Variants in BCKDHB observed in about 807,000 individuals in gnomAD.
BCKDHB encodes 2-oxoisovalerate dehydrogenase subunit beta, mitochondrial.
BCKDHB carries 41 observed loss-of-function variants against 48.5 expected under a neutral mutation model. The ratio of observed to expected loss-of-function variants is 0.85; its 90% CI spans 0.66 to 1.10. The LOEUF (loss-of-function observed/expected upper bound fraction) is 1.10, where lower values mean the gene tolerates loss of function less well. Ranked by LOEUF, BCKDHB falls within the 50% of genes least tolerant of loss-of-function variation. BCKDHB has a pLI of 0.00. For missense variants in BCKDHB, 496 were observed against 494.2 expected (o/e 1.00, Z -0.03); for synonymous variants, 201 against 174.8 (o/e 1.15, Z -1.18).
chr6:80,176,840 C>T (rs74558751), intron 6 of BCKDHB, among the ~76,000 whole-genome samples: 2,179 of 152,088 alleles, frequency 0.014, 49 homozygotes, highest in African/African-American at 0.049. Flanking sequence ...GATAAAGCTC[C>T]GAGTAAAAGA....
rs539687841 is a variant in BCKDHB at position 80,212,456 on chromosome 6, G to A, written c.951+9244G>A. On this transcript the variant is annotated intron_variant, in intron 8 of 9. Transcript: ENST00000320393. ...AATGTGGCTCTTTTTGCCCGACCCC[G>A]CAGGTGGTCAGACCTTATGGTTGTC... 6.0e-4 allele frequency among the ~76,000 whole-genome samples: 92 copies of A among 152,186 alleles called. 1 individual carries two copies. The highest frequency in any genetic ancestry group is 2.1e-3 in the African/African-American group (89 of 41,520).
At chr6:80,185,678 TC>T (rs1773610157) in intron 6 of BCKDHB, among the ~76,000 whole-genome samples, 1 of 152,120 alleles carries the variant, frequency 6.6e-6, no homozygotes, top group African/African-American at 2.4e-5. Flanking sequence ...GGACTGCAGT[TC>T]TTGTTATTGT....
the BCKDHB span, among the ~76,000 whole-genome samples, chr6:80,388,951 C>T: frequency 6.6e-6 from 1 of 152,186 alleles, no homozygotes; most frequent in East Asian, 1.9e-4. Context: ...TGATTATATA[C>T]TGATTCATGG....
chr6:80,180,369 C>G (rs932602813), intron 6 of BCKDHB, among the ~76,000 whole-genome samples: 3 of 152,144 alleles, frequency 2.0e-5, no homozygotes, highest in African/African-American at 7.2e-5. Flanking sequence ...GCAGAAAAAT[C>G]CAGCTGGTGT....
the BCKDHB span, among the ~76,000 whole-genome samples, chr6:80,378,351 G>T: frequency 6.6e-6 from 1 of 152,064 alleles, no homozygotes; most frequent in Non-Finnish European, 1.5e-5. Flanking sequence ...TTCCACTTTT[G>T]AGTTAGTTTA....
At chr6:80,268,302 A>G (rs1486533643) in intron 8 of BCKDHB, among the ~76,000 whole-genome samples, 1 of 152,100 alleles carries the variant, frequency 6.6e-6, no homozygotes, top group Non-Finnish European at 1.5e-5. Context: ...TCTAAATTGT[A>G]TAAATAATAT....
chr6:80,332,051 T>C (rs1367962830), intron 9 of BCKDHB, among the ~76,000 whole-genome samples: 1 of 152,220 alleles, frequency 6.6e-6, no homozygotes, highest in East Asian at 1.9e-4. Context: ...TTTTAAAAGC[T>C]GTGCTTCGCA....
intron 6 of BCKDHB, among the ~76,000 whole-genome samples, chr6:80,197,501 T>C (rs934916575): frequency 2.0e-5 from 3 of 152,138 alleles, no homozygotes; most frequent in African/African-American, 7.2e-5. Context: ...TTTAAGACAA[T>C]AGAGCAATTA....
chr6:80,258,931 T>C (rs1006010213), intron 8 of BCKDHB, among the ~76,000 whole-genome samples: 1 of 152,244 alleles, frequency 6.6e-6, no homozygotes, highest in Non-Finnish European at 1.5e-5. Flanking sequence ...GTAGGTCTTA[T>C]GCTTCAAGTT....
chr6:80,353,097 C>T, the BCKDHB span, among the ~76,000 whole-genome samples: 1 of 152,014 alleles, frequency 6.6e-6, no homozygotes, highest in African/African-American at 2.4e-5. Flanking sequence ...TCTATTATTC[C>T]ACTCTCTATG....
chr6:80,299,778 C>T (rs1209799527), intron 9 of BCKDHB, among the ~76,000 whole-genome samples: 1 of 152,162 alleles, frequency 6.6e-6, no homozygotes, highest in Non-Finnish European at 1.5e-5. Context: ...AACCCACAGC[C>T]ACTATAAATC....
At chr6:80,160,634 A>C (rs908423676) in intron 3 of BCKDHB, among the ~76,000 whole-genome samples, 2 of 152,226 alleles carry the variant, frequency 1.3e-5, no homozygotes, top group Non-Finnish European at 2.9e-5. Context: ...TGTAATGGAC[A>C]ATATCTTTAA....
intron 8 of BCKDHB, among the ~76,000 whole-genome samples, chr6:80,260,212 GGTGT>G (rs148736682): frequency 1.7e-4 from 25 of 151,132 alleles, no homozygotes; most frequent in Non-Finnish European, 3.1e-4. Context: ...GGTAATGGTG[GGTGT>G]GTGTGTGTGT....
At chr6:80,388,535 C>A in the BCKDHB span, among the ~76,000 whole-genome samples, 1 of 152,150 alleles carries the variant, frequency 6.6e-6, no homozygotes, top group Admixed American at 6.6e-5. Context: ...ACCCTTCTAG[C>A]CATAAAGTGG....
At chr6:80,124,676 C>T (rs1322444190) in intron 1 of BCKDHB, among the ~76,000 whole-genome samples, 2 of 152,180 alleles carry the variant, frequency 1.3e-5, no homozygotes, top group South Asian at 2.1e-4. Context: ...TGGAAAACAA[C>T]GTTAATCTTA....
chr6:80,227,881 C>T (rs1775746123), intron 8 of BCKDHB, among the ~76,000 whole-genome samples: 1 of 152,072 alleles, frequency 6.6e-6, no homozygotes, highest in African/African-American at 2.4e-5. Flanking sequence ...TCCTGTGAGC[C>T]ATAGAAAGAA....
chr6:80,240,003 T>C (rs2127909873), intron 8 of BCKDHB, among the ~76,000 whole-genome samples: 1 of 152,348 alleles, frequency 6.6e-6, no homozygotes, highest in Non-Finnish European at 1.5e-5. Flanking sequence ...TTGGTTGCTG[T>C]AGCCTTGTAG....
chr6:80,292,862 A>G (rs971795242), intron 9 of BCKDHB, among the ~76,000 whole-genome samples: 12 of 152,202 alleles, frequency 7.9e-5, no homozygotes, highest in Admixed American at 5.2e-4. Flanking sequence ...AAGGGCTACA[A>G]TGCCCATACA....
chr6:80,376,397 A>G, the BCKDHB span, among the ~76,000 whole-genome samples: 1 of 152,156 alleles, frequency 6.6e-6, no homozygotes, highest in East Asian at 1.9e-4. Flanking sequence ...TTTCCAGGCA[A>G]CTAGTAAGCA....
Sources: gnomAD v4.1 joint callset for allele counts (sites outside exome capture counted in the v4.1 genomes callset) on GRCh38, gnomAD v4.1.1 for gene constraint, MANE v1.5 for transcripts, NCBI Gene and HGNC (gene_info 2026-07-23, HGNC 2026-07-21) for gene names.